DYNC1I1: variants seen among roughly 807,000 people sequenced by gnomAD.
The protein encoded by DYNC1I1 is cytoplasmic dynein 1 intermediate chain 1.
Under a neutral mutation model 86.6 loss-of-function variants are expected in DYNC1I1, and 43 were observed. The observed-to-expected ratio is 0.50, with a 90% CI of 0.39 to 0.64. The LOEUF is 0.64. DYNC1I1 is among the 30% of genes least tolerant of loss of function. The probability of loss-of-function intolerance (pLI) is 0.00; values close to 1 mark genes in which losing one functional copy is unlikely to be tolerated. For synonymous variants in DYNC1I1, 262 were observed against 283.7 expected, an observed-to-expected ratio of 0.92 and a Z score of 0.77; for missense variants, 604 against 788.8, an observed-to-expected ratio of 0.77 and a Z score of 2.81.
At chr7:95,864,821 G>C (rs1031671887) in intron 5 of DYNC1I1, among the ~76,000 whole-genome samples, 1 of 151,926 alleles carries the variant, frequency 6.6e-6, no homozygotes, top group South Asian at 2.1e-4. Flanking sequence ...TGGCACTAAA[G>C]CCTCTAGAAT....
intron 4 of DYNC1I1, among the ~76,000 whole-genome samples, chr7:95,816,106 C>G (rs1794941434): frequency 6.6e-6 from 1 of 151,788 alleles, no homozygotes. Context: ...CAACCTCAAA[C>G]TCCTGGGCTC....
At position 95,813,347 on chromosome 7, in the gene DYNC1I1, G is replaced by A. The variant is rs770719212; in HGVS notation, c.314+10G>A. 30 of 1,600,838 alleles carry A rather than the reference G, an allele frequency of 1.9e-5. No individual in the cohort carries two copies. The Middle Eastern group carries it at 5.0e-4, about 27-fold the overall frequency. ...TGGGGCCATTAACAAGGTAAGAATT[G>A]TCCCTTTAAAAGGCCATGATGGGTG... On this transcript the variant is annotated intron_variant, in intron 4 of 16. Transcript: ENST00000447467.
At chr7:96,044,524 G>A (rs1347593580) in intron 14 of DYNC1I1, among the ~76,000 whole-genome samples, 1 of 152,078 alleles carries the variant, frequency 6.6e-6, no homozygotes, top group East Asian at 1.9e-4. Context: ...GCCTGTGAAG[G>A]AGAGTAGAAA....
chr7:96,108,146 A>G (rs1193789975), intron 16 of DYNC1I1, among the ~76,000 whole-genome samples: 1 of 152,160 alleles, frequency 6.6e-6, no homozygotes, highest in Non-Finnish European at 1.5e-5. Flanking sequence ...AGACTTTACA[A>G]AAAAATGAAT....
At chr7:95,833,949 G>A (rs1252218905) in intron 5 of DYNC1I1, among the ~76,000 whole-genome samples, 1 of 139,338 alleles carries the variant, frequency 7.2e-6, no homozygotes, top group Non-Finnish European at 1.5e-5. Flanking sequence ...TTTCCTAATT[G>A]AATACCCTTT....
intron 10 of DYNC1I1, among the ~76,000 whole-genome samples, chr7:96,003,778 G>T (rs1448566293): frequency 6.6e-6 from 1 of 151,924 alleles, no homozygotes; most frequent in Admixed American, 6.6e-5. Context: ...CCCCGAGAGG[G>T]ATACTTGTAT....
Position 96,080,338 on chromosome 7 carries a change from T to G in DYNC1I1, c.1651-25T>G, listed in dbSNP as rs996342639. 14 of 1,546,254 alleles carry G rather than the reference T, an allele frequency of 9.1e-6. No homozygotes were observed. In the African/African-American group the frequency reaches 1.7e-4, roughly 18 times the overall value. ...TTAAATTCATATTCAGAGATTCTTT[T>G]ATTCTGTTGTGAACCCTTTGGCAGG... is the stretch of plus-strand genomic sequence containing the variant. On this transcript the variant is annotated intron_variant, in intron 15 of 16. Transcript: ENST00000447467.
At chr7:96,075,559 G>A (rs1790306547) in intron 14 of DYNC1I1, among the ~76,000 whole-genome samples, 1 of 152,200 alleles carries the variant, frequency 6.6e-6, no homozygotes, top group African/African-American at 2.4e-5. Context: ...ATTTGGCCTA[G>A]AGTTGGACTG....
At chr7:95,844,597 C>CG (rs539212414) in intron 5 of DYNC1I1, among the ~76,000 whole-genome samples, 5 of 151,494 alleles carry the variant, frequency 3.3e-5, no homozygotes, top group Non-Finnish European at 7.4e-5. Context: ...GGTCGGGCGG[C>CG]GGGGGGTTAG....
At chr7:96,016,634 C>G (rs144520625) in intron 10 of DYNC1I1, among the ~76,000 whole-genome samples, 10 of 152,084 alleles carry the variant, frequency 6.6e-5, no homozygotes, top group Admixed American at 3.3e-4. Flanking sequence ...AAAAATAATA[C>G]CTGATAACTG....
At chr7:95,805,761 G>A (rs971200818) in intron 2 of DYNC1I1, among the ~76,000 whole-genome samples, 6 of 152,240 alleles carry the variant, frequency 3.9e-5, no homozygotes, top group South Asian at 2.1e-4. Context: ...AGAAAACTTC[G>A]TGTGGTATGA....
At chr7:96,105,081 T>C (rs1367786844) in intron 16 of DYNC1I1, among the ~76,000 whole-genome samples, 1 of 152,022 alleles carries the variant, frequency 6.6e-6, no homozygotes, top group Non-Finnish European at 1.5e-5. Context: ...TAATTTTTTA[T>C]GCTATTGTAA....
intron 6 of DYNC1I1, among the ~76,000 whole-genome samples, chr7:95,937,387 A>G (rs1257970166): frequency 6.6e-6 from 1 of 152,062 alleles, no homozygotes; most frequent in Non-Finnish European, 1.5e-5. Context: ...GACTGTAGTA[A>G]TCATTCTGCA....
At chr7:95,868,121 C>G (rs941327153) in intron 5 of DYNC1I1, among the ~76,000 whole-genome samples, 1 of 152,228 alleles carries the variant, frequency 6.6e-6, no homozygotes. Context: ...CCAGCCTGGA[C>G]TCTCTTGCAT....
At position 95,984,815 on chromosome 7, in the gene DYNC1I1, C is replaced by T; in HGVS notation, c.581C>T (p.Ala194Val). The change falls in exon 8 of 17, where the codon GCC becomes GTC. Residue 194 changes from alanine to valine, a missense_variant and splice_region_variant. By Grantham distance (64) the Ala-to-Val change is moderately conservative. Transcript: ENST00000447467. ...NQDKKQEVKE[A>V]PPRELTEEEK... is the part of the protein sequence containing the mutation. ...TTTACAAAAAAATAAATAAATAAAG[C>T]CCCTCCAAGAGAGTTGACAGAGGAA... The T allele has an allele frequency of 6.4e-7, 1 of 1,573,382 alleles. No individual in the cohort carries two copies. The highest frequency in any genetic ancestry group is 1.2e-5 in the South Asian group (1 of 82,716).
intron 6 of DYNC1I1, among the ~76,000 whole-genome samples, chr7:95,886,438 A>G (rs897665492): frequency 6.6e-6 from 1 of 152,092 alleles, no homozygotes; most frequent in African/African-American, 2.4e-5. Context: ...GTCTCAAAAA[A>G]ATAAAGCAAA....
chr7:96,002,907 G>A (rs1424356709), intron 10 of DYNC1I1, among the ~76,000 whole-genome samples: 1 of 151,810 alleles, frequency 6.6e-6, no homozygotes, highest in Non-Finnish European at 1.5e-5. Context: ...ACAGCAGCAC[G>A]ATCTCAGCTC....
At chr7:96,105,021 C>T (rs544651228) in intron 16 of DYNC1I1, among the ~76,000 whole-genome samples, 27 of 149,778 alleles carry the variant, frequency 1.8e-4, no homozygotes, top group African/African-American at 6.7e-4. Context: ...ATAGAGTTCA[C>T]CAATAGGTTG....
chr7:95,810,531 T>A, intron 3 of DYNC1I1, 25 bp downstream of exon 3: 1 of 1,593,584 alleles, frequency 6.3e-7, no homozygotes, highest in South Asian at 1.1e-5. Context: ...TTCCTGTTAC[T>A]ATTCCTCAAA....
Sources: gnomAD v4.1 joint callset for allele counts (sites outside exome capture counted in the v4.1 genomes callset) on GRCh38, gnomAD v4.1.1 for gene constraint, MANE v1.5 for transcripts, NCBI Gene and HGNC (gene_info 2026-07-23, HGNC 2026-07-21) for gene names.